CFAP54: variants seen among roughly 807,000 people sequenced by gnomAD.
CFAP54 encodes the protein cilia and flagella associated protein 54, also known as cilia- and flagella-associated protein 54.
CFAP54 carries 290 observed loss-of-function variants against 370.4 expected under a neutral mutation model. The ratio of observed to expected loss-of-function variants is 0.78; its 90% confidence interval spans 0.71 to 0.86. The LOEUF is 0.86. CFAP54 is among the 40% of genes least tolerant of loss of function. CFAP54 has a pLI of 0.00. For synonymous variants in CFAP54, 1,206 were observed against 1,236.5 expected (o/e 0.98, Z 0.52); for missense variants, 3,399 against 3,528.7 (o/e 0.96, Z 0.93).
rs1203840343 is a variant in CFAP54, at chr12:96,784,893, A to C, written c.8455+3A>C. ...TAATAATCTGAGCAAACTGCTAGGT[A>C]GGTTTTTTGATGTGTTAAGAGAGAA... On this transcript the variant is annotated splice_donor_region_variant and intron_variant, in intron 61 of 67. Coordinates refer to ENST00000524981, the MANE Select transcript of CFAP54 (RefSeq NM_001306084.2). The C allele has an allele frequency of 3.3e-6, 5 of 1,505,206 alleles. No individual in the cohort carries two copies. Among genetic ancestry groups the C allele is most frequent in the East Asian group, 2.5e-5 (1 of 39,912 alleles). The allele number at this position is 1,505,206 out of a possible 1,614,324, so 93.2% of individuals were successfully genotyped here.
At chr12:96,594,964 T>C (rs903651477) in intron 25 of CFAP54, among the ~76,000 whole-genome samples, 2 of 152,156 alleles carry the variant, frequency 1.3e-5, no homozygotes, top group South Asian at 2.1e-4. Context: ...CTCATTTACA[T>C]TCTCATAGTT....
At chr12:96,660,996 C>T (rs1856551920) in intron 38 of CFAP54, among the ~76,000 whole-genome samples, 1 of 152,128 alleles carries the variant, frequency 6.6e-6, no homozygotes, top group Admixed American at 6.5e-5. Context: ...GGAAGGGGCA[C>T]AGAGCTTTCA....
chr12:96,794,965 G>A (rs1958744675), intron 63 of CFAP54, among the ~76,000 whole-genome samples: 1 of 152,132 alleles, frequency 6.6e-6, no homozygotes, highest in Non-Finnish European at 1.5e-5. Flanking sequence ...CTTCCCCTAG[G>A]GATGGAGCTT....
chr12:96,578,227 T>A (rs1955999917), intron 20 of CFAP54, among the ~76,000 whole-genome samples: 1 of 152,214 alleles, frequency 6.6e-6, no homozygotes, highest in African/African-American at 2.4e-5. Context: ...TTGCATACTT[T>A]GAGCAGCTTC....
chr12:96,851,869 G>A (rs1251910620), intron 66 of CFAP54, among the ~76,000 whole-genome samples: 1 of 151,960 alleles, frequency 6.6e-6, no homozygotes, highest in African/African-American at 2.4e-5. Context: ...TTGTATGGGA[G>A]TTCTTAGCCT....
chr12:96,656,398 A>T (rs531818339), intron 36 of CFAP54, among the ~76,000 whole-genome samples: 4 of 148,518 alleles, frequency 2.7e-5, no homozygotes, highest in African/African-American at 9.9e-5. Context: ...TTTTTTTGAG[A>T]TGGAGTTTTG....
intron 36 of CFAP54, 48 bp downstream of exon 36, chr12:96,651,863 C>A: frequency 2.5e-6 from 3 of 1,182,924 alleles, no homozygotes; most frequent in Non-Finnish European, 3.7e-6. Flanking sequence ...TTAAAAATAT[C>A]GTACTGTGCA....
chr12:96,506,866 T>C, intron 3 of CFAP54, 62 bp from the exon 4 acceptor site: 1 of 1,409,224 alleles, frequency 7.1e-7, no homozygotes, highest in South Asian at 1.4e-5. Context: ...GGATTACAGG[T>C]GTGAGCTACT....
At chr12:96,625,939 A>C in intron 29 of CFAP54, 132 bp downstream of exon 29, 1 of 665,664 alleles carries the variant, frequency 1.5e-6, no homozygotes, top group South Asian at 2.2e-5. Flanking sequence ...ATTCTTACCC[A>C]CTCAGAATAA....
At chr12:96,802,732 T>G (rs1287713468) in intron 63 of CFAP54, among the ~76,000 whole-genome samples, 1 of 152,158 alleles carries the variant, frequency 6.6e-6, no homozygotes, top group Non-Finnish European at 1.5e-5. Flanking sequence ...GGCTGTTTGC[T>G]GCACCTATCA....
At chr12:96,839,726 T>C (rs951762924) in intron 66 of CFAP54, among the ~76,000 whole-genome samples, 3 of 152,098 alleles carry the variant, frequency 2.0e-5, no homozygotes, top group Non-Finnish European at 4.4e-5. Flanking sequence ...AACTAGAAAG[T>C]TGGGGATGAT....
chr12:96,731,405 G>C (rs1008509691), intron 50 of CFAP54, among the ~76,000 whole-genome samples: 3 of 152,182 alleles, frequency 2.0e-5, no homozygotes, highest in Admixed American at 1.3e-4. Context: ...AGTTGGACAG[G>C]CTGCTTTCTT....
At position 96,860,855 on chromosome 12, in the gene CFAP54, C is replaced by G. The variant is rs1244340286; in HGVS notation, c.9208C>G (p.Leu3070Val). 6.5e-7 allele frequency: 1 copy of G among 1,533,820 alleles called. No homozygotes were observed. The highest frequency in any genetic ancestry group is 2.0e-5 in the Admixed American group (1 of 50,856). ...FDISLPSIFN[L>V]ERLFDLANGC... ...TATCTCACTGCCGTCTATATTCAATCTTGAGAGACTTTTTGATCTGGCTAA... is the reference window on the plus strand; with the variant it reads ...TATCTCACTGCCGTCTATATTCAATGTTGAGAGACTTTTTGATCTGGCTAA... Residue 3070 changes from leucine (L) to valine (V), a missense_variant, in exon 67 of 68, where the codon CTT becomes GTT. Leu to Val is a conservative substitution (Grantham distance 32). This residue lies in a region of CFAP54 where 2,796 missense variants were observed against 2,869.7 expected (regional missense o/e 0.97). Transcript: ENST00000524981.
At chr12:96,822,615 G>T (rs1035567169) in intron 65 of CFAP54, among the ~76,000 whole-genome samples, 21 of 152,196 alleles carry the variant, frequency 1.4e-4, no homozygotes, top group Non-Finnish European at 8.8e-5. Flanking sequence ...GTACCCAGAT[G>T]TCATTCCTAA....
chr12:96,603,743 G>T (rs912860112), intron 26 of CFAP54, among the ~76,000 whole-genome samples: 1 of 151,766 alleles, frequency 6.6e-6, no homozygotes, highest in Admixed American at 6.6e-5. Flanking sequence ...CCACTTGATC[G>T]AATCGGCTAC....
intron 50 of CFAP54, among the ~76,000 whole-genome samples, chr12:96,737,561 C>T (rs1957993966): frequency 6.6e-6 from 1 of 150,772 alleles, no homozygotes; most frequent in Non-Finnish European, 1.5e-5. Context: ...GCCATCTTGG[C>T]TCACTGCAAC....
chr12:96,607,414 C>A (rs192845556), intron 26 of CFAP54, among the ~76,000 whole-genome samples: 38 of 151,982 alleles, frequency 2.5e-4, no homozygotes, highest in African/African-American at 7.5e-4. Flanking sequence ...AATAACCCTT[C>A]TGTAACTGAA....
At chr12:96,677,701 T>C (rs1957227578) in intron 39 of CFAP54, among the ~76,000 whole-genome samples, 1 of 152,166 alleles carries the variant, frequency 6.6e-6, no homozygotes, top group African/African-American at 2.4e-5. Context: ...GGCCTAAGTA[T>C]TTGATTCTCT....
chr12:96,823,532 G>A (rs547369709), intron 65 of CFAP54, among the ~76,000 whole-genome samples: 86 of 152,320 alleles, frequency 5.6e-4, no homozygotes, highest in African/African-American at 2.0e-3. Context: ...TGTTGTGGCA[G>A]AAGTACAGGG....
Sources: allele counts gnomAD v4.1 joint callset (sites outside exome capture counted in the v4.1 genomes callset), GRCh38; gene constraint gnomAD v4.1.1; regional missense constraint gnomAD v4.1.1; transcripts MANE v1.5; gene names NCBI Gene and HGNC (gene_info 2026-07-23, HGNC 2026-07-21).